Variants in ARCN1 observed in about 807,000 individuals in gnomAD.
ARCN1 encodes coatomer subunit delta.
ARCN1 carries 5 observed loss-of-function variants against 60.4 expected under a neutral mutation model. The ratio of observed to expected loss-of-function variants is 0.08; its 90% CI spans 0.04 to 0.17. ARCN1 has a LOEUF of 0.17. Among genes scored for constraint, ARCN1 ranks in the 10% least tolerant of loss-of-function variants. ARCN1 has a pLI of 1.00. For synonymous variants in ARCN1, 224 were observed against 220.0 expected (o/e 1.02, Z -0.16); for missense variants, 464 against 626.5 (o/e 0.74, Z 2.77).
In ARCN1 at chr11:118,601,781, C is replaced by T; in HGVS notation, c.*1067C>T. 1.4e-6 allele frequency: 1 copy of T among 700,712 alleles called. No individual in the cohort carries two copies. The highest frequency in any genetic ancestry group is 2.6e-6 in the Non-Finnish European group (1 of 383,442). The allele number at this position is 700,712 out of a possible 1,614,324, so 43.4% of individuals were successfully genotyped here. On this transcript the variant is annotated 3_prime_UTR_variant, in exon 10 of 10. Coordinates refer to ENST00000264028, the MANE Select transcript of ARCN1 (RefSeq NM_001655.5). ...AATATTAAAGATAGCTGAGAAGCAC[C>T]TTTCAAATGGCACAGTCCCTCTTCA...
chr11:118,599,492 C>T (rs1248236475), intron 9 of ARCN1, among the ~76,000 whole-genome samples: 2 of 150,892 alleles, frequency 1.3e-5, no homozygotes, highest in African/African-American at 2.4e-5. Context: ...GCAGTGCGAT[C>T]TCAGCTCACT....
rs1372897277 is a variant in ARCN1, at chr11:118,602,781, A to G, written c.*2067A>G. 2 of 153,862 alleles carry G rather than the reference A, an allele frequency of 1.3e-5. No homozygotes were observed. Among genetic ancestry groups the G allele is most frequent in the Admixed American group, 6.5e-5 (1 of 15,294 alleles). 9.5% of individuals were successfully genotyped at this position (153,862 alleles called of 1,614,324 possible). ...TTTTTAAAAGTCAAGTTTAATTTCA[A>G]AAAACCTTTTTTTTCTGAGATTACT... On this transcript the variant is annotated 3_prime_UTR_variant, in exon 10 of 10. Transcript: ENST00000264028.
chr11:118,578,874 CTT>C (rs56050047), intron 1 of ARCN1, among the ~76,000 whole-genome samples: 15,770 of 79,780 alleles, frequency 0.2, 1,236 homozygotes, highest in Non-Finnish European at 0.25. Flanking sequence ...CCCCGTCTCT[CTT>C]TTTTTTTTTT....
At position 118,581,524 on chromosome 11, in the gene ARCN1, A is replaced by C. The variant is rs782170049; in HGVS notation, c.267+15A>C. The C allele has an allele frequency of 1.3e-6, 2 of 1,587,414 alleles. No individual in the cohort carries two copies. Among genetic ancestry groups the C allele is most frequent in the Non-Finnish European group, 1.7e-6 (2 of 1,166,098 alleles). ...TCTCAAGAGTGGTAAGAGTACTGCT[A>C]TAATACTGGGTTCCACTTTTTGTTT... is the stretch of plus-strand genomic sequence containing the variant. On this transcript the variant is annotated intron_variant, in intron 2 of 9. Coordinates refer to ENST00000264028, the MANE Select transcript of ARCN1 (RefSeq NM_001655.5).
At chr11:118,573,797 A>G (rs1162982560) in intron 1 of ARCN1, 4 of 533,432 alleles carry the variant, frequency 7.5e-6, no homozygotes, top group East Asian at 3.1e-5. Context: ...TATAAATTGC[A>G]TCAAACAGGT....
intron 5 of ARCN1, among the ~76,000 whole-genome samples, chr11:118,589,302 GTATA>G (rs1938845372): frequency 6.6e-6 from 1 of 152,172 alleles, no homozygotes; most frequent in African/African-American, 2.4e-5. Context: ...CTGGAAAAGG[GTATA>G]TATGTCTTCC....
Position 118,583,985 on chromosome 11 carries a change from T to C in ARCN1, c.624T>C (p.Asp208=), listed in dbSNP as rs1555075080. 6 of 1,614,172 alleles carry C rather than the reference T, an allele frequency of 3.7e-6. No homozygotes were observed. The South Asian group carries it at 6.6e-5, about 18-fold the overall frequency. Residue 208 remains aspartate, a synonymous_variant, in exon 4 of 10, where the codon GAT becomes GAC. Coordinates refer to ENST00000264028, the MANE Select transcript of ARCN1 (RefSeq NM_001655.5). The stretch of plus-strand genomic sequence containing the variant: ...TCACAGAGACCATCATTGAAACTGA[T>C]AAACCAAAAGTGGCACCTGCACCAG... ...AMITETIIET[D]KPKVAPAPAR... is the part of the protein sequence containing the mutation.
intron 3 of ARCN1, 23 bp from the exon 4 acceptor site, chr11:118,583,781 CTACAT>C: frequency 1.9e-6 from 3 of 1,593,178 alleles, no homozygotes; most frequent in Non-Finnish European, 2.6e-6. Context: ...AAAAAAAAAG[CTACAT>C]TAATGTATGT....
chr11:118,586,963 GTGAAGGTAAAATGGTACCA>G (rs1555075579), intron 5 of ARCN1, among the ~76,000 whole-genome samples: 1 of 151,222 alleles, frequency 6.6e-6, no homozygotes, highest in East Asian at 1.9e-4. Context: ...GCAAACTTTT[GTGAAGGTAAAATGGTACCA>G]TGCATTGTCT....
At chr11:118,597,686 C>T (rs1308183905) in intron 8 of ARCN1, 21 bp from the exon 9 acceptor site, 19 of 1,612,532 alleles carry the variant, frequency 1.2e-5, no homozygotes, top group Non-Finnish European at 1.4e-5. Flanking sequence ...GCTACCTTGA[C>T]CAGAATGTTT....
In ARCN1 at chr11:118,581,967, C is replaced by CACACACACA. The variant is rs1591383666; in HGVS notation, c.267+458_267+459insACACACACA. ...ACACACACACACACACACACACACA[C>CACACACACA]CTTTTAAGACTTTATGCCAAAGTCT... On this transcript the variant is annotated intron_variant, in intron 2 of 9. Transcript: ENST00000264028. 3.3e-5 allele frequency among the ~76,000 whole-genome samples: 5 copies of CACACACACA among 150,342 alleles called. No homozygotes were observed. In the South Asian group the frequency reaches 6.4e-4, roughly 19 times the overall value.
At chr11:118,583,597 T>TA (rs35189263) in intron 3 of ARCN1, among the ~76,000 whole-genome samples, 5,013 of 148,326 alleles carry the variant, frequency 0.034, 111 homozygotes, top group Middle Eastern at 0.072. Context: ...CTATAAAAAG[T>TA]AAAAAAAAAA....
chr11:118,593,536 C>A, intron 7 of ARCN1, 54 bp from the exon 8 acceptor site: 1 of 1,288,128 alleles, frequency 7.8e-7, no homozygotes, highest in Non-Finnish European at 1.1e-6. Flanking sequence ...TGAGCCACTG[C>A]ACCCAGCCAT....
Position 118,602,815 on chromosome 11 carries a change from A to T in ARCN1, c.*2101A>T, listed in dbSNP as rs1418094003. ...TTTTTTCTGAGATTACTTTTGGGGT[A>T]ATATTTAAAATGAGAGACATTTTGT... On this transcript the variant is annotated 3_prime_UTR_variant, in exon 10 of 10. Coordinates refer to ENST00000264028, the MANE Select transcript of ARCN1 (RefSeq NM_001655.5). The T allele has an allele frequency of 6.5e-6, 1 of 153,754 alleles. No individual in the cohort carries two copies. The highest frequency in any genetic ancestry group is 1.5e-5 in the Non-Finnish European group (1 of 68,038). 9.5% of individuals were successfully genotyped at this position (153,754 alleles called of 1,614,324 possible). A position where few individuals can be genotyped will look rare whatever the true frequency, so the allele number is the denominator to read the frequency against.
At chr11:118,599,254 G>A (rs1454132973) in intron 9 of ARCN1, among the ~76,000 whole-genome samples, 1 of 151,190 alleles carries the variant, frequency 6.6e-6, no homozygotes, top group Non-Finnish European at 1.5e-5. Context: ...CACCACGCCT[G>A]TCTGATTTTT....
At chr11:118,579,060 G>A (rs1316681925) in intron 1 of ARCN1, among the ~76,000 whole-genome samples, 1 of 151,700 alleles carries the variant, frequency 6.6e-6, no homozygotes, top group African/African-American at 2.4e-5. Context: ...TAGTCATTTG[G>A]CCCTCATAAT....
chr11:118,576,426 T>TAAAAAAAAAAAAAA (rs10671866), intron 1 of ARCN1, among the ~76,000 whole-genome samples: 5 of 108,756 alleles, frequency 4.6e-5, no homozygotes, highest in Admixed American at 1.2e-4. Context: ...CCAAAAATGT[T>TAAAAAAAAAAAAAA]AAAAAAAAAA....
chr11:118,588,690 C>T (rs1181182342), intron 5 of ARCN1, among the ~76,000 whole-genome samples: 5 of 152,074 alleles, frequency 3.3e-5, no homozygotes, highest in African/African-American at 7.2e-5. Context: ...CACTGCACTC[C>T]AGCCTGGGCA....
intron 4 of ARCN1, 106 bp from the exon 5 acceptor site, chr11:118,584,374 G>A (rs1420480029): frequency 2.8e-5 from 28 of 1,000,714 alleles, no homozygotes; most frequent in Non-Finnish European, 3.1e-5. Flanking sequence ...ACAAAATTTT[G>A]TGCACAGGTG....
Sources: allele counts gnomAD v4.1 joint callset (sites outside exome capture counted in the v4.1 genomes callset), GRCh38; gene constraint gnomAD v4.1.1; transcripts MANE v1.5; gene names NCBI Gene and HGNC (gene_info 2026-07-23, HGNC 2026-07-21).